The following SPATA16 variants were observed in gnomAD, a reference collection of about 807,000 sequenced individuals.
SPATA16 encodes spermatogenesis-associated protein 16.
SPATA16 carries 36 observed loss-of-function variants against 63.3 expected under a neutral mutation model. The observed-to-expected ratio is 0.57, with a 90% CI of 0.44 to 0.75. The LOEUF (loss-of-function observed/expected upper bound fraction) is 0.75. Ranked by LOEUF, SPATA16 falls within the 30% of genes least tolerant of loss-of-function variation. The pLI, the probability that SPATA16 is intolerant of heterozygous loss-of-function variation, is 0.00. For missense variants in SPATA16, 646 were observed against 679.3 expected (o/e 0.95, Z 0.54); for synonymous variants, 203 against 216.7 (o/e 0.94, Z 0.56).
At chr3:173,059,578 G>A (rs139793051) in intron 2 of SPATA16, among the ~76,000 whole-genome samples, 31 of 151,476 alleles carry the variant, frequency 2.0e-4, no homozygotes, top group African/African-American at 6.8e-4. Flanking sequence ...GAAAGTTTGG[G>A]CTATTATTTT....
chr3:172,918,487 C>G (rs1201117304), intron 8 of SPATA16, among the ~76,000 whole-genome samples: 13 of 152,058 alleles, frequency 8.5e-5, no homozygotes, highest in Admixed American at 8.5e-4. Flanking sequence ...CCCTCCTCCC[C>G]CCGAAGCCAA....
rs143166452 is a variant in SPATA16 at position 173,030,003 on chromosome 3, G to A, written c.759-10428C>T. Among the ~76,000 whole-genome samples the A allele has an allele frequency of 4.5e-4, 68 of 152,092 alleles. 1 individual carries two copies. The East Asian group carries it at 0.011, about 25-fold the overall frequency. On this transcript the variant is annotated intron_variant, in intron 3 of 10. Coordinates refer to ENST00000351008, the MANE Select transcript of SPATA16 (RefSeq NM_031955.6). Reference sequence around the variant, plus strand: ...GCATTCATAACAATGGGAAAATTAAGATATCACAGGTAAGTGACAGGATGC... The same window carrying A: ...GCATTCATAACAATGGGAAAATTAAAATATCACAGGTAAGTGACAGGATGC...
chr3:173,085,451 T>C (rs73044991), intron 2 of SPATA16, among the ~76,000 whole-genome samples: 5,570 of 152,262 alleles, frequency 0.037, 347 homozygotes, highest in African/African-American at 0.13. Context: ...AATCATGTCA[T>C]CTGTAAACAG....
chr3:172,991,919 G>A (rs1056514148), intron 4 of SPATA16, among the ~76,000 whole-genome samples: 1 of 152,182 alleles, frequency 6.6e-6, no homozygotes, highest in Non-Finnish European at 1.5e-5. Flanking sequence ...CACTATATGT[G>A]TTTATAGTAT....
chr3:173,110,816 A>G (rs894336707), intron 2 of SPATA16, among the ~76,000 whole-genome samples: 2 of 152,192 alleles, frequency 1.3e-5, no homozygotes, highest in African/African-American at 4.8e-5. Context: ...GCTACTGCTT[A>G]CTGCTAATTT....
At chr3:172,940,729 G>A (rs1577098093) in intron 6 of SPATA16, among the ~76,000 whole-genome samples, 1 of 152,182 alleles carries the variant, frequency 6.6e-6, no homozygotes, top group Admixed American at 6.5e-5. Flanking sequence ...GCTTATGCCT[G>A]TAATCTTAGC....
At chr3:173,055,988 A>G (rs1471092947) in intron 2 of SPATA16, among the ~76,000 whole-genome samples, 1 of 152,164 alleles carries the variant, frequency 6.6e-6, no homozygotes, top group Non-Finnish European at 1.5e-5. Context: ...AATTTTAATC[A>G]TGTTTAACTG....
At chr3:172,942,914 CTG>C (rs141757831) in intron 6 of SPATA16, among the ~76,000 whole-genome samples, 8 of 151,982 alleles carry the variant, frequency 5.3e-5, no homozygotes, top group South Asian at 2.1e-4. Flanking sequence ...ACATTAAAAA[CTG>C]TGTATTTAAG....
At chr3:173,005,613 G>A (rs1560094209) in intron 4 of SPATA16, among the ~76,000 whole-genome samples, 1 of 152,092 alleles carries the variant, frequency 6.6e-6, no homozygotes, top group Non-Finnish European at 1.5e-5. Context: ...ATGTTTAGAG[G>A]TAATGCAAAT....
intron 2 of SPATA16, among the ~76,000 whole-genome samples, chr3:173,096,148 G>A (rs1737344850): frequency 6.6e-6 from 1 of 151,906 alleles, no homozygotes; most frequent in Non-Finnish European, 1.5e-5. Context: ...CCCATTTCTT[G>A]AAAATACGAA....
At chr3:172,987,176 A>G (rs1560088880) in intron 4 of SPATA16, among the ~76,000 whole-genome samples, 1 of 152,262 alleles carries the variant, frequency 6.6e-6, no homozygotes, top group East Asian at 1.9e-4. Flanking sequence ...CAAGGAAACC[A>G]TAAATGATAA....
intron 5 of SPATA16, among the ~76,000 whole-genome samples, chr3:172,957,055 TA>T (rs1347895562): frequency 2.6e-5 from 4 of 152,176 alleles, no homozygotes; most frequent in African/African-American, 9.6e-5. Flanking sequence ...CAGGCACCTC[TA>T]AACTGAGCTT....
At chr3:172,898,529 C>A (rs2109544354) in intron 10 of SPATA16, among the ~76,000 whole-genome samples, 1 of 151,864 alleles carries the variant, frequency 6.6e-6, no homozygotes, top group East Asian at 1.9e-4. Flanking sequence ...TCTTATTATC[C>A]TTTTACTGTC....
At chr3:172,902,487 T>A (rs1372717116) in intron 10 of SPATA16, among the ~76,000 whole-genome samples, 1 of 152,264 alleles carries the variant, frequency 6.6e-6, no homozygotes, top group Non-Finnish European at 1.5e-5. Context: ...TTTCATTTCT[T>A]GAATCAGTTT....
chr3:173,015,858 TGG>T (rs567107400), intron 4 of SPATA16, among the ~76,000 whole-genome samples: 15 of 76,998 alleles, frequency 1.9e-4, no homozygotes, highest in African/African-American at 2.6e-4. Context: ...TAGTCCCAAA[TGG>T]GGTGTGTGTG....
At chr3:172,978,340 A>G (rs1443478200) in intron 4 of SPATA16, among the ~76,000 whole-genome samples, 1 of 152,182 alleles carries the variant, frequency 6.6e-6, no homozygotes, top group Non-Finnish European at 1.5e-5. Context: ...AATGGGACAG[A>G]AACAAGTTAT....
chr3:172,920,710 AC>A (rs1343781629), intron 8 of SPATA16, among the ~76,000 whole-genome samples: 1 of 152,242 alleles, frequency 6.6e-6, no homozygotes, highest in Non-Finnish European at 1.5e-5. Flanking sequence ...CCTAATATTT[AC>A]AAAGTGACTA....
intron 5 of SPATA16, among the ~76,000 whole-genome samples, chr3:172,957,979 C>T (rs1245544038): frequency 6.6e-6 from 1 of 152,080 alleles, no homozygotes; most frequent in Non-Finnish European, 1.5e-5. Context: ...AAGGGTCTTC[C>T]TTTCTCTGAG....
intron 4 of SPATA16, among the ~76,000 whole-genome samples, chr3:173,005,650 A>AG (rs1734929104): frequency 6.6e-6 from 1 of 152,220 alleles, no homozygotes; most frequent in Non-Finnish European, 1.5e-5. Context: ...AAAAGAAAAA[A>AG]GGGGCAAAAA....
Sources: allele counts gnomAD v4.1 joint callset (sites outside exome capture counted in the v4.1 genomes callset), GRCh38; gene constraint gnomAD v4.1.1; transcripts MANE v1.5; gene names NCBI Gene and HGNC (gene_info 2026-07-23, HGNC 2026-07-21).